ADGRV1: variants seen among roughly 807,000 people sequenced by gnomAD.
The protein encoded by ADGRV1 is G-protein coupled receptor 98.
A neutral mutation model predicts 596.2 loss-of-function variants in ADGRV1; 359 were observed. The ratio of observed to expected loss-of-function variants is 0.60; its 90% CI spans 0.55 to 0.66. ADGRV1 has a LOEUF of 0.66. Ranked by LOEUF, ADGRV1 falls within the 30% of genes least tolerant of loss-of-function variation. ADGRV1 has a pLI of 0.00. For synonymous variants in ADGRV1, 2,681 were observed against 2,679.2 expected, an observed-to-expected ratio of 1.00 and a Z score of -0.02; for missense variants, 7,274 against 7,575.6, an observed-to-expected ratio of 0.96 and a Z score of 1.48.
At chr5:90,906,981 G>A (rs1225350902) in intron 83 of ADGRV1, among the ~76,000 whole-genome samples, 1 of 152,118 alleles carries the variant, frequency 6.6e-6, no homozygotes, top group African/African-American at 2.4e-5. Context: ...CCTCTCTGTA[G>A]GTGGCTTCCG....
chr5:90,949,485 C>T (rs1776878379), intron 83 of ADGRV1, among the ~76,000 whole-genome samples: 1 of 151,994 alleles, frequency 6.6e-6, no homozygotes, highest in African/African-American at 2.4e-5. Context: ...ACATGTATTC[C>T]TCTTGATGAC....
At chr5:90,564,563 C>T (rs1172227199) in intron 1 of ADGRV1, among the ~76,000 whole-genome samples, 1 of 151,818 alleles carries the variant, frequency 6.6e-6, no homozygotes, top group Non-Finnish European at 1.5e-5. Flanking sequence ...ATAGATAATT[C>T]ACATATGAAA....
chr5:90,810,794 T>TGCA lies in ADGRV1; in HGVS notation c.15535_15536insCAG (p.Ile5178_Val5179insAla). 6 of 1,613,980 alleles carry TGCA rather than the reference T, an allele frequency of 3.7e-6. No individual in the cohort carries two copies. The highest frequency in any genetic ancestry group is 5.1e-6 in the Non-Finnish European group (6 of 1,179,862). ...TGCAGCCAACCAACGTGGTTGCCATTGTTACTGAGGCAACTGGTGTATCTG... is the reference window on the plus strand; with the variant it reads ...TGCAGCCAACCAACGTGGTTGCCATTGCAGTTACTGAGGCAACTGGTGTATCTG... On this transcript the variant is annotated inframe_insertion, in exon 74 of 90. Coordinates refer to ENST00000405460, the MANE Select transcript of ADGRV1 (RefSeq NM_032119.4).
Position 90,810,661 on chromosome 5 carries a change from A to C in ADGRV1, c.15401A>C (p.Asp5134Ala). The part of the protein sequence containing the change: ...ILDNDDLAGM[D>A]ISFPETTVAV... Reference sequence around the variant, plus strand: ...GATAATGATGACCTGGCAGGAATGGATATTTCCTTCCCCGAGACAACTGTG... The same window carrying C: ...GATAATGATGACCTGGCAGGAATGGCTATTTCCTTCCCCGAGACAACTGTG... The change falls in exon 74 of 90, where the codon GAT becomes GCT. Residue 5134 changes from aspartate to alanine, a missense_variant. Asp to Ala is a moderately radical substitution (Grantham distance 126). This residue lies in a region of ADGRV1 where 1,874 missense variants were observed against 1,970.2 expected (regional missense o/e 0.95). Transcript: ENST00000405460. 1 of 1,613,794 alleles carries C rather than the reference A, an allele frequency of 6.2e-7. No homozygotes were observed. Among genetic ancestry groups the C allele is most frequent in the Non-Finnish European group, 8.5e-7 (1 of 1,179,812 alleles).
chr5:90,695,471 C>T (rs1561544763), intron 33 of ADGRV1, among the ~76,000 whole-genome samples: 1 of 151,396 alleles, frequency 6.6e-6, no homozygotes, highest in African/African-American at 2.4e-5. Flanking sequence ...TTATATATTC[C>T]ACAAAATTTT....
intron 52 of ADGRV1, among the ~76,000 whole-genome samples, chr5:90,749,164 CA>C (rs1458716821): frequency 6.6e-6 from 1 of 152,166 alleles, no homozygotes; most frequent in Admixed American, 6.5e-5. Context: ...GTTCTGGAGA[CA>C]TACAATTACT....
At chr5:91,024,002 A>T (rs971581578) in intron 85 of ADGRV1, among the ~76,000 whole-genome samples, 1 of 152,118 alleles carries the variant, frequency 6.6e-6, no homozygotes, top group African/African-American at 2.4e-5. Context: ...AAAACTTTTT[A>T]AAAGTAGTAC....
chr5:90,976,245 A>G (rs570495603), intron 84 of ADGRV1, among the ~76,000 whole-genome samples: 1 of 145,734 alleles, frequency 6.9e-6, no homozygotes, highest in Admixed American at 6.9e-5. Context: ...CACAATGTAC[A>G]TATATTTATA....
At chr5:90,760,598 G>A (rs1227351457) in intron 58 of ADGRV1, among the ~76,000 whole-genome samples, 2 of 152,072 alleles carry the variant, frequency 1.3e-5, no homozygotes, top group Non-Finnish European at 2.9e-5. Context: ...ATCTGGTGAG[G>A]GATTTATATT....
intron 75 of ADGRV1, chr5:90,822,237 G>C (rs190498746): frequency 2.6e-5 from 4 of 153,866 alleles, no homozygotes; most frequent in East Asian, 1.9e-4. Flanking sequence ...GACCCCTTGC[G>C]CTTCCCAAGT....
In ADGRV1 at chr5:91,090,933, G is replaced by A. The variant is rs191509392; in HGVS notation, c.18311-11286G>A. ...GATAGGATAGGATAGGAATCAAAGT[G>A]TGTCATACATTAACTTGGGTTTCAT... On this transcript the variant is annotated intron_variant, in intron 86 of 89. Transcript: ENST00000405460. Among the ~76,000 whole-genome samples, 223 of 152,264 alleles carry A rather than the reference G, an allele frequency of 1.5e-3. 2 individuals are homozygous for A. Among genetic ancestry groups the A allele is most frequent in the African/African-American group, 5.2e-3 (216 of 41,560 alleles).
chr5:90,850,974 T>TA (rs1448499575), intron 79 of ADGRV1: 4 of 152,148 alleles, frequency 2.6e-5, no homozygotes, highest in African/African-American at 9.7e-5. Flanking sequence ...TAAATAGACT[T>TA]ACCTTTCCTT....
At chr5:90,937,380 C>A (rs1262397213) in intron 83 of ADGRV1, among the ~76,000 whole-genome samples, 1 of 151,630 alleles carries the variant, frequency 6.6e-6, no homozygotes, top group Non-Finnish European at 1.5e-5. Context: ...TTTTTGTTAC[C>A]CCTTCATTAA....
At chr5:90,790,685 A>G (rs1055102934) in intron 69 of ADGRV1, among the ~76,000 whole-genome samples, 188 bp from the exon 70 acceptor site, 18 of 152,224 alleles carry the variant, frequency 1.2e-4, no homozygotes, top group African/African-American at 4.3e-4. Flanking sequence ...TTATCCTGCA[A>G]ATAGCATTCA....
intron 83 of ADGRV1, among the ~76,000 whole-genome samples, chr5:90,902,790 A>G (rs1312223064): frequency 1.4e-4 from 22 of 152,140 alleles, no homozygotes; most frequent in Non-Finnish European, 1.5e-4. Context: ...TGGATTTTTC[A>G]GAAGGCAGCT....
intron 58 of ADGRV1, chr5:90,759,943 G>T (rs187117985): frequency 7.1e-4 from 61 of 86,130 alleles, no homozygotes; most frequent in Admixed American, 2.2e-3. Context: ...CCAGCCTGGC[G>T]ACATAGAGAG....
chr5:90,607,242 T>C (rs1485290899), intron 1 of ADGRV1, among the ~76,000 whole-genome samples: 1 of 152,138 alleles, frequency 6.6e-6, no homozygotes, highest in African/African-American at 2.4e-5. Context: ...TAGCCAAATT[T>C]ATACAGAATA....
rs200500730 is a variant in ADGRV1 at position 90,657,852 on chromosome 5, T to C, written c.4379-53T>C. Reference sequence around the variant, plus strand: ...TACTTTCTGAATCACACGTAAAATTTAGGACAGGACACTTGAAGGTATTGT... The same window carrying C: ...TACTTTCTGAATCACACGTAAAATTCAGGACAGGACACTTGAAGGTATTGT... On this transcript the variant is annotated intron_variant, in intron 20 of 89. Transcript: ENST00000405460. 359 of 1,476,190 alleles carry C rather than the reference T, an allele frequency of 2.4e-4. 1 individual carries two copies. Among genetic ancestry groups the C allele is most frequent in the South Asian group, 1.3e-3 (82 of 61,948 alleles). 91.4% of individuals were successfully genotyped at this position (1,476,190 alleles called of 1,614,324 possible).
At chr5:90,926,900 T>C (rs1470067908) in intron 83 of ADGRV1, among the ~76,000 whole-genome samples, 4 of 152,132 alleles carry the variant, frequency 2.6e-5, no homozygotes. Flanking sequence ...TACCCAGTAG[T>C]CATTCAGGAG....
Sources: allele counts gnomAD v4.1 joint callset (sites outside exome capture counted in the v4.1 genomes callset), GRCh38; gene constraint gnomAD v4.1.1; regional missense constraint gnomAD v4.1.1; transcripts MANE v1.5; gene names NCBI Gene and HGNC (gene_info 2026-07-23, HGNC 2026-07-21).